TMEM178B: variants seen among roughly 807,000 people sequenced by gnomAD.
The protein encoded by TMEM178B is transmembrane protein 178B.
In TMEM178B, 5 loss-of-function variants were observed where a neutral mutation model predicts 31.0. The ratio of observed to expected loss-of-function variants is 0.16; its 90% CI spans 0.08 to 0.34. The LOEUF (loss-of-function observed/expected upper bound fraction) is 0.34. Ranked by LOEUF, TMEM178B falls within the 10% of genes least tolerant of loss-of-function variation. TMEM178B has a pLI of 1.00. For missense variants in TMEM178B, 275 were observed against 400.3 expected, an observed-to-expected ratio of 0.69 and a Z score of 2.67; for synonymous variants, 164 against 164.0, an observed-to-expected ratio of 1.00 and a Z score of 0.00.
At chr7:141,311,344 C>A (rs1301631230) in intron 2 of TMEM178B, among the ~76,000 whole-genome samples, 1 of 152,064 alleles carries the variant, frequency 6.6e-6, no homozygotes, top group South Asian at 2.1e-4. Context: ...GAAAAATGGC[C>A]TCTTGTTTTA....
intron 2 of TMEM178B, among the ~76,000 whole-genome samples, chr7:141,268,502 A>T (rs1276760310): frequency 5.3e-5 from 8 of 152,270 alleles, no homozygotes; most frequent in African/African-American, 1.9e-4. Context: ...ACCCGTGATT[A>T]ACCACAGAAA....
intron 2 of TMEM178B, among the ~76,000 whole-genome samples, chr7:141,369,453 A>G (rs1800072994): frequency 6.6e-6 from 1 of 152,014 alleles, no homozygotes; most frequent in South Asian, 2.1e-4. Context: ...TTTCTCTCAA[A>G]GCAGCAACTC....
Position 141,320,359 on chromosome 7 carries a change from C to T in TMEM178B, c.496+107655C>T, listed in dbSNP as rs766344999. 3.3e-5 allele frequency among the ~76,000 whole-genome samples: 5 copies of T among 152,200 alleles called. No homozygotes were observed. The South Asian group carries it at 1.0e-3, about 32-fold the overall frequency. The stretch of plus-strand genomic sequence containing the variant: ...ACGTATGTGTTCATAACACATTGGC[C>T]ATTATATGAGTCAGAGAACTCCACC... On this transcript the variant is annotated intron_variant, in intron 2 of 3. Transcript: ENST00000565468.
rs1795344328 is a variant in TMEM178B, at chr7:141,117,836, T to TCAAAGA, written c.382+43144_382+43145insCAAAGA. On this transcript the variant is annotated intron_variant, in intron 1 of 3. Transcript: ENST00000565468. ...GATGGTTGTAGATGTGTGGCGTTTT[T>TCAAAGA]TCTGAGGCTTCTGTTCTGTTCCATG... Among the ~76,000 whole-genome samples the TCAAAGA allele has an allele frequency of 2.0e-5, 3 of 152,302 alleles. No homozygotes were observed. The South Asian group carries it at 6.2e-4, about 32-fold the overall frequency.
intron 1 of TMEM178B, among the ~76,000 whole-genome samples, chr7:141,141,614 G>T (rs1346795461): frequency 6.6e-6 from 1 of 152,128 alleles, no homozygotes; most frequent in East Asian, 1.9e-4. Flanking sequence ...TTCACCCACA[G>T]TGCCTAATAC....
At chr7:141,264,908 T>C (rs1373157594) in intron 2 of TMEM178B, among the ~76,000 whole-genome samples, 1 of 152,176 alleles carries the variant, frequency 6.6e-6, no homozygotes. Flanking sequence ...AAGGCTGCCA[T>C]TTATAGAGTG....
intron 1 of TMEM178B, among the ~76,000 whole-genome samples, chr7:141,135,926 T>A (rs2129178357): frequency 6.6e-6 from 1 of 152,164 alleles, no homozygotes; most frequent in East Asian, 1.9e-4. Flanking sequence ...GAGAGGTTTT[T>A]TTTGAAAAGA....
intron 2 of TMEM178B, among the ~76,000 whole-genome samples, chr7:141,428,949 T>C (rs927926578): frequency 6.6e-6 from 1 of 152,218 alleles, no homozygotes; most frequent in Non-Finnish European, 1.5e-5. Flanking sequence ...CTGGATTCAC[T>C]GCTGGTAACA....
At chr7:141,329,330 A>C (rs1799254636) in intron 2 of TMEM178B, among the ~76,000 whole-genome samples, 1 of 152,170 alleles carries the variant, frequency 6.6e-6, no homozygotes, top group Admixed American at 6.5e-5. Flanking sequence ...CCCTCCTCAT[A>C]CAAGACAAGA....
At chr7:141,272,383 C>G (rs936457894) in intron 2 of TMEM178B, among the ~76,000 whole-genome samples, 1 of 152,172 alleles carries the variant, frequency 6.6e-6, no homozygotes, top group African/African-American at 2.4e-5. Context: ...TTTCCAATCC[C>G]CCTTATTTAA....
At chr7:141,398,810 A>G (rs907444885) in intron 2 of TMEM178B, among the ~76,000 whole-genome samples, 1 of 152,208 alleles carries the variant, frequency 6.6e-6, no homozygotes, top group African/African-American at 2.4e-5. Flanking sequence ...TCTAAGACCC[A>G]GAAAGATGAA....
At chr7:141,288,330 A>G (rs780865981) in intron 2 of TMEM178B, among the ~76,000 whole-genome samples, 2 of 151,596 alleles carry the variant, frequency 1.3e-5, no homozygotes, top group Non-Finnish European at 2.9e-5. Flanking sequence ...CTCCCCAATA[A>G]TGTTTTCCAT....
intron 2 of TMEM178B, among the ~76,000 whole-genome samples, chr7:141,403,280 A>G (rs949709146): frequency 6.6e-6 from 1 of 152,096 alleles, no homozygotes; most frequent in Non-Finnish European, 1.5e-5. Flanking sequence ...CCCTCTCTCT[A>G]CTACTTGTGT....
chr7:141,431,906 C>G (rs910605938), intron 2 of TMEM178B, among the ~76,000 whole-genome samples: 2 of 152,080 alleles, frequency 1.3e-5, no homozygotes, highest in Non-Finnish European at 1.5e-5. Context: ...CATAGGTTAA[C>G]GAGAATGGGC....
At position 141,422,645 on chromosome 7, in the gene TMEM178B, C is replaced by T. The variant is rs1343689531; in HGVS notation, c.497-14963C>T. Among the ~76,000 whole-genome samples, 1 of 152,150 alleles carries T rather than the reference C, an allele frequency of 6.6e-6. No homozygotes were observed. Among genetic ancestry groups the T allele is most frequent in the Non-Finnish European group, 1.5e-5 (1 of 68,026 alleles). On this transcript the variant is annotated intron_variant, in intron 2 of 3. Coordinates refer to ENST00000565468, the MANE Select transcript of TMEM178B (RefSeq NM_001195278.2). This position sits in a 1 kb window ranked among gnomAD's most constrained non-coding sequence, Gnocchi z 4.2. ...CACAGCTAGGCACCCTCCCCTGTGT[C>T]CTCTAAATTCTAGAGTACCTGCACA...
rs1261526301 is a variant in TMEM178B at position 141,074,986 on chromosome 7, GAGA to G, written c.382+300_382+302del. Among the ~76,000 whole-genome samples the G allele has an allele frequency of 6.6e-6, 1 of 152,224 alleles. No homozygotes were observed. Among genetic ancestry groups the G allele is most frequent in the Non-Finnish European group, 1.5e-5 (1 of 68,042 alleles). On this transcript the variant is annotated intron_variant, in intron 1 of 3. Transcript: ENST00000565468. This position sits in a 1 kb window ranked among gnomAD's most constrained non-coding sequence, Gnocchi z 5.1. ...CCAGGATAATGCTTCATCAGCCTCT[GAGA>G]AGAAGGGAATCTGGAACGTTGTTTG...
chr7:141,075,011 T>C (rs1794577005), intron 1 of TMEM178B, among the ~76,000 whole-genome samples: 1 of 152,226 alleles, frequency 6.6e-6, no homozygotes, highest in Non-Finnish European at 1.5e-5. Flanking sequence ...TGGAACGTTG[T>C]TTGTGCTCTT....
At chr7:141,107,310 A>G (rs900012036) in intron 1 of TMEM178B, among the ~76,000 whole-genome samples, 2 of 152,170 alleles carry the variant, frequency 1.3e-5, no homozygotes, top group South Asian at 2.1e-4. Flanking sequence ...CAGACCAGTG[A>G]TATAATCTGC....
At chr7:141,270,936 C>CTG (rs1798170953) in intron 2 of TMEM178B, among the ~76,000 whole-genome samples, 1 of 152,226 alleles carries the variant, frequency 6.6e-6, no homozygotes. Context: ...TACATTTCTG[C>CTG]TGTACCATCT....
Sources: allele counts gnomAD v4.1 joint callset (sites outside exome capture counted in the v4.1 genomes callset), GRCh38; gene constraint gnomAD v4.1.1; non-coding constraint Gnocchi (gnomAD v3.1); transcripts MANE v1.5; gene names NCBI Gene and HGNC (gene_info 2026-07-23, HGNC 2026-07-21).